IL1RAPL1: variants seen among roughly 807,000 people sequenced by gnomAD.
The protein encoded by IL1RAPL1 is interleukin-1 receptor accessory protein-like 1.
A neutral mutation model predicts 48.4 loss-of-function variants in IL1RAPL1; 3 were observed. The ratio of observed to expected loss-of-function variants is 0.06; its 90% CI spans 0.03 to 0.16. The LOEUF is 0.16. Among genes scored for constraint, IL1RAPL1 ranks in the 10% least tolerant of loss-of-function variants. IL1RAPL1 has a pLI of 1.00. For missense variants in IL1RAPL1, 349 were observed against 530.6 expected, an observed-to-expected ratio of 0.66 and a Z score of 3.36; for synonymous variants, 185 against 187.7, an observed-to-expected ratio of 0.99 and a Z score of 0.12.
At chrX:29,263,862 C>CT (rs1931904990) in intron 2 of IL1RAPL1, among the ~76,000 whole-genome samples, 10 of 5,365 alleles carry the variant, frequency 1.9e-3, no homozygotes, top group African/African-American at 3.3e-3. Context: ...TCTCTCTCTC[C>CT]CCCCCCCCCG....
At chrX:29,325,054 T>TA in intron 3 of IL1RAPL1, among the ~76,000 whole-genome samples, 1 of 112,274 alleles carries the variant, frequency 8.9e-6, no homozygotes, top group East Asian at 2.8e-4. Flanking sequence ...TTCTCTCTCA[T>TA]GTAGCATCAG....
intron 5 of IL1RAPL1, among the ~76,000 whole-genome samples, chrX:29,545,944 A>G (rs1179531624): frequency 9.0e-6 from 1 of 111,602 alleles, no homozygotes; most frequent in Admixed American, 9.6e-5. Context: ...CCCTACTAGA[A>G]ATTCTCAGTG....
chrX:29,604,990 T>C (rs1461785166), intron 5 of IL1RAPL1, among the ~76,000 whole-genome samples: 1 of 109,118 alleles, frequency 9.2e-6, no homozygotes, highest in African/African-American at 3.3e-5. Flanking sequence ...TTGGAATGGA[T>C]ACGTATTACA....
At chrX:29,205,618 T>C (rs1453398783) in intron 2 of IL1RAPL1, among the ~76,000 whole-genome samples, 1 of 111,983 alleles carries the variant, frequency 8.9e-6, no homozygotes, top group African/African-American at 3.2e-5. Flanking sequence ...ATTATAGTAA[T>C]AGGTATTGCA....
At chrX:29,128,678 C>G (rs2147482140) in intron 2 of IL1RAPL1, among the ~76,000 whole-genome samples, 1 of 111,444 alleles carries the variant, frequency 9.0e-6, no homozygotes, top group African/African-American at 3.3e-5. Context: ...CCTCTGAGTT[C>G]TGAAAGGTGG....
At chrX:29,781,556 A>G (rs1929336337) in intron 6 of IL1RAPL1, among the ~76,000 whole-genome samples, 1 of 111,851 alleles carries the variant, frequency 8.9e-6, no homozygotes, top group African/African-American at 3.2e-5. Context: ...CTCTTCGTCA[A>G]ATGCACTTTA....
At position 29,532,462 on chromosome X, in the gene IL1RAPL1, C is replaced by A. The variant is rs773310232; in HGVS notation, c.703+133154C>A. ...CCCACTTACTCTCTACTCTAAATAT[C>A]TCTCACTTGTAGCTAAATTGATGCA... On this transcript the variant is annotated intron_variant, in intron 5 of 10. Transcript: ENST00000378993. Among the ~76,000 whole-genome samples the A allele has an allele frequency of 5.4e-5, 6 of 112,028 alleles. No homozygotes were observed. The East Asian group carries it at 1.7e-3, about 32-fold the overall frequency.
intron 2 of IL1RAPL1, among the ~76,000 whole-genome samples, chrX:29,027,925 T>C (rs1223594711): frequency 1.9e-5 from 2 of 103,078 alleles, no homozygotes; most frequent in East Asian, 5.9e-4. Flanking sequence ...TTTCTTTTTG[T>C]GTGTGTGTGT....
intron 2 of IL1RAPL1, among the ~76,000 whole-genome samples, chrX:29,186,198 A>G (rs1448342535): frequency 8.9e-6 from 1 of 112,043 alleles, no homozygotes; most frequent in African/African-American, 3.2e-5. Context: ...GATCATACCA[A>G]TTTTTTAAAC....
At chrX:29,573,684 T>C (rs745374029) in intron 5 of IL1RAPL1, among the ~76,000 whole-genome samples, 41 of 112,527 alleles carry the variant, frequency 3.6e-4, no homozygotes, top group Non-Finnish European at 7.3e-4. Flanking sequence ...ATGTTATCAG[T>C]GAGAGCCCTT....
chrX:29,093,044 G>A (rs1928125942), intron 2 of IL1RAPL1, among the ~76,000 whole-genome samples: 1 of 111,825 alleles, frequency 8.9e-6, no homozygotes, highest in African/African-American at 3.2e-5. Flanking sequence ...CTGCAAAGAT[G>A]TTATATCAAG....
intron 2 of IL1RAPL1, among the ~76,000 whole-genome samples, chrX:28,999,959 G>A (rs1198487001): frequency 1.8e-5 from 2 of 111,173 alleles, no homozygotes; most frequent in Non-Finnish European, 3.8e-5. Context: ...AGCATTCCCC[G>A]GCTCCTCCAG....
chrX:29,409,399 C>G (rs1934112783), intron 5 of IL1RAPL1, among the ~76,000 whole-genome samples: 1 of 112,051 alleles, frequency 8.9e-6, no homozygotes, highest in African/African-American at 3.2e-5. Context: ...TATGGTGAAA[C>G]TGAATTTAAT....
At chrX:29,896,665 C>G (rs1932389308) in intron 6 of IL1RAPL1, among the ~76,000 whole-genome samples, 2 of 112,010 alleles carry the variant, frequency 1.8e-5, no homozygotes, top group Middle Eastern at 9.2e-3. Context: ...TAGACTGAAA[C>G]CTGTGTTTTT....
chrX:29,391,004 T>C (rs1001656263), intron 3 of IL1RAPL1, among the ~76,000 whole-genome samples: 3 of 110,807 alleles, frequency 2.7e-5, no homozygotes, highest in Admixed American at 9.7e-5. Context: ...TGAAACCCTG[T>C]CTCTACAAAA....
intron 2 of IL1RAPL1, among the ~76,000 whole-genome samples, chrX:29,241,079 CTT>C (rs777288049): frequency 1.7e-4 from 19 of 112,385 alleles, no homozygotes; most frequent in African/African-American, 5.8e-4. Flanking sequence ...GTCCGTGAAA[CTT>C]TATGTGCAGT....
chrX:29,625,898 T>C (rs776443037), intron 5 of IL1RAPL1, among the ~76,000 whole-genome samples: 1 of 111,705 alleles, frequency 9.0e-6, no homozygotes, highest in African/African-American at 3.2e-5. Flanking sequence ...ATAACTCTTA[T>C]GTAAGAAGGC....
intron 5 of IL1RAPL1, among the ~76,000 whole-genome samples, chrX:29,630,954 A>T (rs1309947367): frequency 1.8e-5 from 2 of 112,590 alleles, no homozygotes; most frequent in African/African-American, 6.4e-5. Context: ...TCAAAATTAT[A>T]CATTTTTGGT....
chrX:29,749,131 G>A (rs1455889745), intron 6 of IL1RAPL1, among the ~76,000 whole-genome samples: 1 of 111,746 alleles, frequency 8.9e-6, no homozygotes, highest in Non-Finnish European at 1.9e-5. Context: ...AATTGTAAAG[G>A]GAGATGGAGC....
Sources: gnomAD v4.1 joint callset for allele counts (sites outside exome capture counted in the v4.1 genomes callset) on GRCh38, gnomAD v4.1.1 for gene constraint, MANE v1.5 for transcripts, NCBI Gene and HGNC (gene_info 2026-07-23, HGNC 2026-07-21) for gene names.